Variants in ADD3 observed in about 807,000 individuals in gnomAD.
ADD3 encodes adducin 3.
Under a neutral mutation model 80.2 loss-of-function variants are expected in ADD3, and 25 were observed. The ratio of observed to expected loss-of-function variants is 0.31; its 90% CI spans 0.23 to 0.44. ADD3 has a LOEUF of 0.44. Among genes scored for constraint, ADD3 ranks in the 20% least tolerant of loss-of-function variants. The pLI, the probability that ADD3 is intolerant of heterozygous loss-of-function variation, is 1.00. For missense variants in ADD3, 829 were observed against 847.5 expected (o/e 0.98, Z 0.27); for synonymous variants, 284 against 289.6 (o/e 0.98, Z 0.20).
At chr10:110,097,554 A>G (rs1848314456) in intron 1 of ADD3, among the ~76,000 whole-genome samples, 1 of 152,202 alleles carries the variant, frequency 6.6e-6, no homozygotes, top group African/African-American at 2.4e-5. Context: ...AATATCTTCC[A>G]TAACCATGTT....
At chr10:110,020,524 C>T (rs992609356) in intron 1 of ADD3, among the ~76,000 whole-genome samples, 4 of 152,118 alleles carry the variant, frequency 2.6e-5, no homozygotes, top group East Asian at 3.9e-4. Flanking sequence ...CCAAAGGCCC[C>T]GAGGCCCAAG....
At chr10:110,089,904 C>G (rs1847255192) in intron 1 of ADD3, among the ~76,000 whole-genome samples, 3 of 152,036 alleles carry the variant, frequency 2.0e-5, no homozygotes, top group Admixed American at 2.0e-4. Flanking sequence ...CTTGTATGGC[C>G]ATTGTAATTG....
intron 1 of ADD3, among the ~76,000 whole-genome samples, chr10:110,052,514 G>A (rs922559416): frequency 6.6e-6 from 1 of 152,196 alleles, no homozygotes; most frequent in Non-Finnish European, 1.5e-5. Context: ...TGTAGTGCCT[G>A]ATAATCAGAG....
intron 8 of ADD3, among the ~76,000 whole-genome samples, chr10:110,120,093 C>G (rs1240715981): frequency 1.3e-5 from 2 of 149,258 alleles, no homozygotes; most frequent in African/African-American, 5.0e-5. Flanking sequence ...TTTAATTATA[C>G]TTTAAGTTTT....
At chr10:110,031,653 C>A (rs1855036900) in intron 1 of ADD3, among the ~76,000 whole-genome samples, 1 of 151,754 alleles carries the variant, frequency 6.6e-6, no homozygotes, top group East Asian at 1.9e-4. Context: ...AAGTTGTTTT[C>A]CTTTGTCTTG....
At chr10:110,086,779 A>G (rs1437116675) in intron 1 of ADD3, among the ~76,000 whole-genome samples, 1 of 152,098 alleles carries the variant, frequency 6.6e-6, no homozygotes, top group African/African-American at 2.4e-5. Context: ...CTCTTTATAG[A>G]TTACTTAGTC....
intron 1 of ADD3, among the ~76,000 whole-genome samples, chr10:110,070,989 G>A (rs997185399): frequency 3.9e-5 from 4 of 103,852 alleles, no homozygotes; most frequent in Non-Finnish European, 5.8e-5. Context: ...TTTGGGGGGG[G>A]GGGGTGGGGA....
In ADD3 at chr10:110,029,748, C is replaced by G. The variant is rs190736178; in HGVS notation, c.-30+21449C>G. 2.8e-3 allele frequency among the ~76,000 whole-genome samples: 421 copies of G among 152,246 alleles called. 3 individuals are homozygous for G. The highest frequency in any genetic ancestry group is 9.6e-3 in the African/African-American group (399 of 41,534). ...TTTTTTGAATTGCAAAAAAGCAAACCATATGACAAGACTTTTCTTACCTGA... is the reference window on the plus strand; with the variant it reads ...TTTTTTGAATTGCAAAAAAGCAAACGATATGACAAGACTTTTCTTACCTGA... On this transcript the variant is annotated intron_variant, in intron 1 of 14. Coordinates refer to ENST00000356080, the MANE Select transcript of ADD3 (RefSeq NM_016824.5).
chr10:110,038,788 C>A (rs2133267501), intron 1 of ADD3, among the ~76,000 whole-genome samples: 1 of 152,268 alleles, frequency 6.6e-6, no homozygotes, highest in Admixed American at 6.5e-5. Context: ...CTAGAAAAAA[C>A]TGGACATGTT....
Position 110,134,465 on chromosome 10 carries a change from C to G in ADD3, c.*847C>G, listed in dbSNP as rs1390120807. On this transcript the variant is annotated 3_prime_UTR_variant, in exon 15 of 15. Transcript: ENST00000356080. ...TGGTACTGAGTATACTTAAATATAA[C>G]TCCAGAATCCAGGGACTTGGTGTTA... 6.6e-6 allele frequency: 1 copy of G among 152,488 alleles called. No individual in the cohort carries two copies. The highest frequency in any genetic ancestry group is 1.5e-5 in the Non-Finnish European group (1 of 68,016). 9.4% of individuals were successfully genotyped at this position (152,488 alleles called of 1,614,324 possible).
At chr10:110,067,012 C>G (rs986127264) in intron 1 of ADD3, among the ~76,000 whole-genome samples, 1 of 152,164 alleles carries the variant, frequency 6.6e-6, no homozygotes, top group African/African-American at 2.4e-5. Flanking sequence ...GTTAAGAACA[C>G]GGGTCTAGGT....
intron 1 of ADD3, among the ~76,000 whole-genome samples, chr10:110,098,642 T>C (rs1312501453): frequency 6.6e-6 from 1 of 152,138 alleles, no homozygotes; most frequent in Admixed American, 6.5e-5. Flanking sequence ...GAATTTTTTT[T>C]TTTTTGAGAT....
At position 110,092,354 on chromosome 10, in the gene ADD3, T is replaced by C. The variant is rs149861793; in HGVS notation, c.-29-8271T>C. On this transcript the variant is annotated intron_variant, in intron 1 of 14. Coordinates refer to ENST00000356080, the MANE Select transcript of ADD3 (RefSeq NM_016824.5). Reference sequence around the variant, plus strand: ...TAACAGTGGTCTGAATGAAGAAAATTTGGTACATATATACCTTCGAATACT... The same window carrying C: ...TAACAGTGGTCTGAATGAAGAAAATCTGGTACATATATACCTTCGAATACT... Among the ~76,000 whole-genome samples the C allele has an allele frequency of 4.7e-3, 714 of 152,298 alleles. 4 individuals are homozygous for C. Among genetic ancestry groups the C allele is most frequent in the African/African-American group, 0.016 (676 of 41,554 alleles).
chr10:110,019,532 T>C (rs1853411543), intron 1 of ADD3, among the ~76,000 whole-genome samples: 1 of 152,060 alleles, frequency 6.6e-6, no homozygotes, highest in Non-Finnish European at 1.5e-5. Context: ...TTTTTTGTAT[T>C]TTTAGTGGAG....
At chr10:110,047,300 TAA>T in intron 1 of ADD3, among the ~76,000 whole-genome samples, 1 of 152,346 alleles carries the variant, frequency 6.6e-6, no homozygotes, top group South Asian at 2.1e-4. Context: ...ACAGTCTGAG[TAA>T]TATTAGGCTT....
intron 1 of ADD3, among the ~76,000 whole-genome samples, chr10:110,098,754 C>G (rs377270521): frequency 7.0e-4 from 107 of 152,066 alleles, no homozygotes; most frequent in Admixed American, 1.4e-3. Flanking sequence ...CTCAGCCTCC[C>G]GAGTAGCTGT....
chr10:110,044,138 G>A (rs899240183), intron 1 of ADD3, among the ~76,000 whole-genome samples: 2 of 152,182 alleles, frequency 1.3e-5, no homozygotes, highest in African/African-American at 2.4e-5. Flanking sequence ...GGAGGCGGAG[G>A]TTGCAGTGAG....
intron 1 of ADD3, among the ~76,000 whole-genome samples, chr10:110,086,715 A>C (rs1267845420): frequency 1.3e-5 from 2 of 152,152 alleles, no homozygotes; most frequent in Admixed American, 1.3e-4. Context: ...AGGTTTCCTG[A>C]GGCCTCTCCA....
chr10:110,065,204 C>T (rs1157381736), intron 1 of ADD3, among the ~76,000 whole-genome samples: 1 of 152,044 alleles, frequency 6.6e-6, no homozygotes, highest in African/African-American at 2.4e-5. Context: ...TTATTTTACT[C>T]TTATTCTCCA....
Sources: gnomAD v4.1 joint callset for allele counts (sites outside exome capture counted in the v4.1 genomes callset) on GRCh38, gnomAD v4.1.1 for gene constraint, MANE v1.5 for transcripts, NCBI Gene and HGNC (gene_info 2026-07-23, HGNC 2026-07-21) for gene names.